The following KIF6 variants were observed in gnomAD, a reference collection of about 807,000 sequenced individuals.
KIF6 encodes kinesin family member 6.
A neutral mutation model predicts 112.7 loss-of-function variants in KIF6; 106 were observed. The ratio of observed to expected loss-of-function variants is 0.94; its 90% confidence interval spans 0.80 to 1.11. The LOEUF (loss-of-function observed/expected upper bound fraction) is 1.11. Among genes scored for constraint, KIF6 ranks in the 50% least tolerant of loss-of-function variants. The pLI, the probability that KIF6 is intolerant of heterozygous loss-of-function variation, is 0.00. For missense variants in KIF6, 929 were observed against 964.0 expected, an observed-to-expected ratio of 0.96 and a Z score of 0.48; for synonymous variants, 339 against 339.9, an observed-to-expected ratio of 1.00 and a Z score of 0.03.
chr6:39,608,591 A>C (rs1194586420), intron 6 of KIF6, among the ~76,000 whole-genome samples: 1 of 152,228 alleles, frequency 6.6e-6, no homozygotes, highest in Non-Finnish European at 1.5e-5. Context: ...TCAAGCAAAG[A>C]ATTAGGTATA....
Position 39,368,115 on chromosome 6 carries a change from G to A in KIF6, c.1862-5597C>T, listed in dbSNP as rs555098846. ...CAGCACGTCCCCTACATGCCTGCCTGCTTTCCAGACATTTGGGAGCCACTG... is the reference window on the plus strand; with the variant it reads ...CAGCACGTCCCCTACATGCCTGCCTACTTTCCAGACATTTGGGAGCCACTG... On this transcript the variant is annotated intron_variant, in intron 16 of 22. Coordinates refer to ENST00000287152, the MANE Select transcript of KIF6 (RefSeq NM_145027.6). 3.3e-5 allele frequency among the ~76,000 whole-genome samples: 5 copies of A among 152,322 alleles called. No individual in the cohort carries two copies. The East Asian group carries it at 7.7e-4, about 23-fold the overall frequency.
intron 1 of KIF6, among the ~76,000 whole-genome samples, chr6:39,724,639 C>T (rs1790428301): frequency 6.6e-6 from 1 of 152,048 alleles, no homozygotes; most frequent in Admixed American, 6.5e-5. Context: ...TAAGCATCTA[C>T]CTATATCTAT....
chr6:39,403,170 G>A (rs980300234), intron 15 of KIF6, among the ~76,000 whole-genome samples: 1 of 152,106 alleles, frequency 6.6e-6, no homozygotes, highest in African/African-American at 2.4e-5. Flanking sequence ...GATTCATACT[G>A]TTTTATTTTT....
At chr6:39,546,449 T>C (rs1244033013) in intron 10 of KIF6, among the ~76,000 whole-genome samples, 1 of 152,230 alleles carries the variant, frequency 6.6e-6, no homozygotes, top group Non-Finnish European at 1.5e-5. Context: ...CTTACAATCA[T>C]GTTGTTTTTC....
intron 6 of KIF6, among the ~76,000 whole-genome samples, chr6:39,601,999 C>T (rs1320352595): frequency 1.3e-5 from 2 of 152,038 alleles, no homozygotes; most frequent in Non-Finnish European, 1.5e-5. Context: ...CTTTTATTAC[C>T]TTCAATTTCT....
intron 5 of KIF6, among the ~76,000 whole-genome samples, chr6:39,633,731 T>C (rs1371325753): frequency 6.6e-6 from 1 of 152,198 alleles, no homozygotes; most frequent in Non-Finnish European, 1.5e-5. Flanking sequence ...TCTCCAGAGA[T>C]GTTGCTAGCT....
chr6:39,660,628 G>T (rs779864136), intron 3 of KIF6, among the ~76,000 whole-genome samples: 5 of 149,564 alleles, frequency 3.3e-5, no homozygotes, highest in Admixed American at 2.0e-4. Flanking sequence ...ATTTTTTTTT[G>T]AGCTAAGGAG....
intron 13 of KIF6, among the ~76,000 whole-genome samples, chr6:39,494,949 G>C (rs1775694287): frequency 1.3e-5 from 2 of 152,132 alleles, no homozygotes; most frequent in South Asian, 4.1e-4. Context: ...TTTCACAGGG[G>C]AAGTGGGGAT....
chr6:39,472,206 A>T (rs889017537), intron 13 of KIF6, among the ~76,000 whole-genome samples: 1 of 151,978 alleles, frequency 6.6e-6, no homozygotes, highest in Non-Finnish European at 1.5e-5. Flanking sequence ...AAGCTCACCT[A>T]CCACCACCTT....
chr6:39,458,012 C>T (rs570812051), intron 13 of KIF6, among the ~76,000 whole-genome samples: 11 of 151,832 alleles, frequency 7.2e-5, no homozygotes, highest in Non-Finnish European at 1.6e-4. Context: ...TCCTCCCTAA[C>T]TCATTTTATG....
Position 39,634,865 on chromosome 6 carries a change from T to G in KIF6, c.493A>C (p.Ser165Arg). Residue 165 changes from serine to arginine, a missense_variant, in exon 5 of 23, where the codon AGT becomes CGT. By Grantham distance (110) the Ser-to-Arg change is moderately radical. This residue lies in a region of KIF6 where 688 missense variants were observed against 662.7 expected (regional missense o/e 1.04). Coordinates refer to ENST00000287152, the MANE Select transcript of KIF6 (RefSeq NM_145027.6). ...GCTACTCACGGCAAATCTTCCAAACTGGAGGCTTCATGTCTTGGATCCAAA... is the reference window on the plus strand; with the variant it reads ...GCTACTCACGGCAAATCTTCCAAACGGGAGGCTTCATGTCTTGGATCCAAA... ...DLLDPRHEAS[S>R]LEDLPKVTIL... 1 of 1,604,860 alleles carries G rather than the reference T, an allele frequency of 6.2e-7. No individual in the cohort carries two copies. Among genetic ancestry groups the G allele is most frequent in the South Asian group, 1.1e-5 (1 of 90,872 alleles).
intron 16 of KIF6, among the ~76,000 whole-genome samples, chr6:39,381,316 A>C (rs1448904222): frequency 6.6e-6 from 1 of 152,220 alleles, no homozygotes; most frequent in Non-Finnish European, 1.5e-5. Flanking sequence ...TAACAGAGGA[A>C]ATACTGAGAA....
intron 13 of KIF6, among the ~76,000 whole-genome samples, chr6:39,490,081 A>C (rs1581966939): frequency 6.6e-6 from 1 of 152,194 alleles, no homozygotes; most frequent in African/African-American, 2.4e-5. Context: ...GAGAAGTGAA[A>C]ATGATTGTTA....
Position 39,357,309 on chromosome 6 carries a change from C to A in KIF6, c.2148G>T (p.Gln716His), listed in dbSNP as rs199509937. The change falls in exon 19 of 23, where the codon CAG (glutamine) becomes CAT (histidine). Residue 716 changes from glutamine to histidine, a missense_variant. By Grantham distance (24) the Gln-to-His change is conservative. Transcript: ENST00000287152. ...TAGAGAGGAGTTGGGACCATTCATG[C>A]TGGGAGTCAGATGTCTGGAGAAATG... is the stretch of plus-strand genomic sequence containing the variant. ...TKPFLQTSDS[Q>H]HEWSQLLSNK... 35 of 1,613,900 alleles carry A rather than the reference C, an allele frequency of 2.2e-5. No individual in the cohort carries two copies. The East Asian group carries it at 6.7e-4, about 31-fold the overall frequency.
At chr6:39,487,720 G>C (rs1025169692) in intron 13 of KIF6, among the ~76,000 whole-genome samples, 7 of 152,172 alleles carry the variant, frequency 4.6e-5, no homozygotes, top group African/African-American at 1.7e-4. Context: ...TTTGTTTTGC[G>C]AATGGGCAGT....
chr6:39,459,998 A>G (rs1303738663), intron 13 of KIF6, among the ~76,000 whole-genome samples: 1 of 140,672 alleles, frequency 7.1e-6, no homozygotes, highest in East Asian at 2.2e-4. Flanking sequence ...TAGAAATACC[A>G]TTCGACCCAG....
Position 39,357,269 on chromosome 6 carries a change from C to T in KIF6, c.2180+8G>A. On this transcript the variant is annotated splice_region_variant and intron_variant, in intron 19 of 22. Transcript: ENST00000287152. ...AACTCTAACACCTCCGGTGAGTTCT[C>T]ACCTTACCTTTTGTTAGAGAGGAGT... The T allele has an allele frequency of 6.3e-7, 1 of 1,599,160 alleles. No homozygotes were observed. Among genetic ancestry groups the T allele is most frequent in the Non-Finnish European group, 8.6e-7 (1 of 1,167,326 alleles).
At position 39,613,250 on chromosome 6, in the gene KIF6, G is replaced by C. The variant is rs1783319575; in HGVS notation, c.578C>G (p.Thr193Ser). Residue 193 changes from threonine (T) to serine (S), a missense_variant, in exon 6 of 23, where the codon ACC becomes AGC. Physicochemically the swap from Thr to Ser is moderately conservative, Grantham distance 58 (BLOSUM62 1). Transcript: ENST00000287152. ...CAAATTCAGAGCTTCTTCCTCTGTG[G>C]TTGCCTGATGGAGAGTCAAGTTTTT... Reference protein sequence around the residue: ...HLKNLTLHQATTEEEALNLLF... With the variant: ...HLKNLTLHQASTEEEALNLLF... The C allele has an allele frequency of 6.2e-7, 1 of 1,606,234 alleles. No individual in the cohort carries two copies.
chr6:39,468,398 A>G (rs752997540), intron 13 of KIF6, among the ~76,000 whole-genome samples: 4 of 152,220 alleles, frequency 2.6e-5, no homozygotes, highest in East Asian at 3.8e-4. Context: ...AGTAGGATCA[A>G]TACAAAGAGA....
Sources: gnomAD v4.1 joint callset for allele counts (sites outside exome capture counted in the v4.1 genomes callset) on GRCh38, gnomAD v4.1.1 for gene constraint, gnomAD v4.1.1 regional missense constraint, MANE v1.5 for transcripts, NCBI Gene and HGNC (gene_info 2026-07-23, HGNC 2026-07-21) for gene names.